TMEM117: variants seen among roughly 807,000 people sequenced by gnomAD.
TMEM117 encodes the protein transmembrane protein 117.
A neutral mutation model predicts 52.4 loss-of-function variants in TMEM117; 27 were observed. That is an observed-to-expected ratio of 0.51 (90% CI 0.38 to 0.71). The LOEUF is 0.71. Ranked by LOEUF, TMEM117 falls within the 30% of genes least tolerant of loss-of-function variation. The pLI is 0.00. For missense variants in TMEM117, 556 were observed against 630.5 expected (o/e 0.88, Z 1.26); for synonymous variants, 215 against 206.3 (o/e 1.04, Z -0.36).
At chr12:43,870,821 G>A (rs1211558303) in intron 2 of TMEM117, among the ~76,000 whole-genome samples, 1 of 151,898 alleles carries the variant, frequency 6.6e-6, no homozygotes, top group Non-Finnish European at 1.5e-5. Flanking sequence ...TATCGCTGTT[G>A]TTGCCAGGGC....
chr12:43,954,000 C>G (rs542431157), intron 3 of TMEM117, among the ~76,000 whole-genome samples: 2 of 152,228 alleles, frequency 1.3e-5, no homozygotes, highest in African/African-American at 4.8e-5. Context: ...ATTTAAAAGC[C>G]TACTCAAAAC....
chr12:44,243,909 C>T (rs1265621777), intron 5 of TMEM117, among the ~76,000 whole-genome samples: 2 of 151,962 alleles, frequency 1.3e-5, no homozygotes, highest in East Asian at 1.9e-4. Flanking sequence ...ACTTATTTCA[C>T]TTAGCATAAT....
At chr12:44,168,345 T>C (rs1240758390) in intron 4 of TMEM117, among the ~76,000 whole-genome samples, 2 of 152,340 alleles carry the variant, frequency 1.3e-5, no homozygotes, top group Non-Finnish European at 2.9e-5. Flanking sequence ...TATTGTTTTA[T>C]TGAAGCAATA....
intron 3 of TMEM117, among the ~76,000 whole-genome samples, chr12:43,989,452 T>A (rs572465969): frequency 8.5e-5 from 13 of 152,210 alleles, no homozygotes; most frequent in African/African-American, 2.4e-4. Context: ...CATTTTTTTT[T>A]AAACGGCAAT....
At chr12:43,858,828 C>G (rs1185562496) in intron 2 of TMEM117, among the ~76,000 whole-genome samples, 1 of 152,154 alleles carries the variant, frequency 6.6e-6, no homozygotes, top group African/African-American at 2.4e-5. Flanking sequence ...TGTTTTTCAA[C>G]ATCATCATTG....
chr12:44,012,019 T>C (rs1019704327), intron 3 of TMEM117, among the ~76,000 whole-genome samples: 31 of 152,198 alleles, frequency 2.0e-4, no homozygotes, highest in Non-Finnish European at 1.3e-4. Flanking sequence ...ATTTGTAGAA[T>C]TTTTCATTTA....
At chr12:43,800,237 G>A in the TMEM117 span, among the ~76,000 whole-genome samples, 1 of 152,080 alleles carries the variant, frequency 6.6e-6, no homozygotes, top group African/African-American at 2.4e-5. Context: ...ACTTGTCAAT[G>A]TCAAATAGAT....
intron 3 of TMEM117, among the ~76,000 whole-genome samples, chr12:43,978,050 G>A (rs1452082819): frequency 1.3e-5 from 2 of 152,152 alleles, no homozygotes; most frequent in Non-Finnish European, 2.9e-5. Flanking sequence ...CCTGTGAGCT[G>A]GCAATCTGGG....
intron 6 of TMEM117, among the ~76,000 whole-genome samples, chr12:44,332,647 CT>C (rs1397644182): frequency 2.7e-5 from 4 of 150,308 alleles, no homozygotes; most frequent in East Asian, 2.0e-4. Context: ...AGTCTATGAA[CT>C]TTTTTTTCAG....
At chr12:44,277,344 G>A (rs932050187) in intron 5 of TMEM117, among the ~76,000 whole-genome samples, 1 of 151,864 alleles carries the variant, frequency 6.6e-6, no homozygotes. Flanking sequence ...AGGATCCCAA[G>A]TATCCTAAAT....
At chr12:43,851,465 GT>G (rs144536406) in intron 2 of TMEM117, among the ~76,000 whole-genome samples, 2,068 of 151,298 alleles carry the variant, frequency 0.014, 36 homozygotes, top group African/African-American at 0.048. Context: ...GATGATTCTA[GT>G]TTTTTTTTAA....
intron 5 of TMEM117, among the ~76,000 whole-genome samples, chr12:44,214,050 G>C (rs762163213): frequency 1.3e-5 from 2 of 151,280 alleles, no homozygotes; most frequent in Non-Finnish European, 2.9e-5. Flanking sequence ...TGCTGTTTCA[G>C]AGGAGAGAAA....
intron 2 of TMEM117, among the ~76,000 whole-genome samples, chr12:43,879,976 C>A (rs1675788): frequency 6.6e-6 from 1 of 152,022 alleles, no homozygotes; most frequent in Non-Finnish European, 1.5e-5. Context: ...CTGTTTCTAC[C>A]AAGACAGAAG....
intron 4 of TMEM117, among the ~76,000 whole-genome samples, chr12:44,191,127 C>T (rs901436080): frequency 2.0e-5 from 3 of 151,848 alleles, no homozygotes; most frequent in Non-Finnish European, 2.9e-5. Context: ...TCCTTCTTCA[C>T]GTGATGGCAG....
At chr12:44,284,114 A>G (rs1565672217) in intron 5 of TMEM117, among the ~76,000 whole-genome samples, 1 of 152,130 alleles carries the variant, frequency 6.6e-6, no homozygotes. Context: ...AGAGATGGAG[A>G]CCATCCTGGC....
intron 5 of TMEM117, among the ~76,000 whole-genome samples, chr12:44,238,814 T>C (rs964219324): frequency 6.6e-6 from 1 of 152,226 alleles, no homozygotes. Flanking sequence ...TGGTTTCAAC[T>C]AGTTGATTAA....
intron 3 of TMEM117, among the ~76,000 whole-genome samples, chr12:43,977,659 G>A (rs1034221571): frequency 6.6e-6 from 1 of 151,882 alleles, no homozygotes; most frequent in South Asian, 2.1e-4. Context: ...TTTGTTTTCT[G>A]AGCATATTTT....
chr12:43,879,851 A>G (rs1240888666), intron 2 of TMEM117, among the ~76,000 whole-genome samples: 1 of 152,200 alleles, frequency 6.6e-6, no homozygotes, highest in Non-Finnish European at 1.5e-5. Context: ...ACATTGCTGC[A>G]GAAGGTGCTG....
chr12:44,352,240 A>G (rs979417310), intron 6 of TMEM117, among the ~76,000 whole-genome samples: 1 of 151,954 alleles, frequency 6.6e-6, no homozygotes, highest in Admixed American at 6.6e-5. Context: ...CCTACTATGT[A>G]CCCACAAACA....
Sources: allele counts gnomAD v4.1 joint callset (sites outside exome capture counted in the v4.1 genomes callset), GRCh38; gene constraint gnomAD v4.1.1; transcripts MANE v1.5; gene names NCBI Gene and HGNC (gene_info 2026-07-23, HGNC 2026-07-21).